Variants in CCDC171 observed in about 807,000 individuals in gnomAD.
CCDC171 encodes coiled-coil domain containing 171.
CCDC171 carries 177 observed loss-of-function variants against 168.2 expected under a neutral mutation model. The observed-to-expected ratio is 1.05, with a 90% CI of 0.93 to 1.19. The LOEUF (loss-of-function observed/expected upper bound fraction) is 1.19. CCDC171 is among the 50% of genes most tolerant of loss of function. CCDC171 has a pLI of 0.00. For missense variants in CCDC171, 1,991 were observed against 1,539.0 expected, an observed-to-expected ratio of 1.29 and a Z score of -4.91; for synonymous variants, 687 against 540.8, an observed-to-expected ratio of 1.27 and a Z score of -3.75.
At chr9:15,975,133 A>G (rs781599330), downstream of CCDC171, among the ~76,000 whole-genome samples, 4 of 152,176 alleles carry the variant, frequency 2.6e-5, no homozygotes, top group Non-Finnish European at 5.9e-5. Context: ...TTTATCAAGC[A>G]ACTGTTTTAT....
chr9:16,020,551 C>T (rs531410130), intron 3 of CCDC171: 1 of 154,444 alleles, frequency 6.5e-6, no homozygotes, highest in Admixed American at 6.5e-5. Flanking sequence ...TTAAAGAAAA[C>T]ATTTTGTGAC....
Position 15,708,094 on chromosome 9 carries a change from C to T in CCDC171, c.1318+12757C>T, listed in dbSNP as rs555908874. Among the ~76,000 whole-genome samples the T allele has an allele frequency of 2.2e-3, 340 of 152,268 alleles. 5 individuals are homozygous for T. The highest frequency in any genetic ancestry group is 0.021 in the South Asian group (102 of 4,816). On this transcript the variant is annotated intron_variant, in intron 11 of 25. Coordinates refer to ENST00000380701, the MANE Select transcript of CCDC171 (RefSeq NM_173550.4). ...AACTCCTGACTTCAGGTGATCTGCC[C>T]GTCTTGGCCTCCCAAAGTGTTGGGA...
downstream of CCDC171, among the ~76,000 whole-genome samples, chr9:15,976,808 G>A (rs951332321): frequency 2.0e-4 from 30 of 152,070 alleles, no homozygotes; most frequent in African/African-American, 7.2e-4. Flanking sequence ...TTTTTACAAT[G>A]TACTATGTGA....
chr9:15,917,722 A>C (rs1034061284), intron 24 of CCDC171, among the ~76,000 whole-genome samples: 1 of 151,690 alleles, frequency 6.6e-6, no homozygotes, highest in African/African-American at 2.4e-5. Context: ...AAAATGGGAT[A>C]ACTTTTAAAA....
chr9:16,036,716 A>G (rs1329400294), intron 8 of CCDC171, among the ~76,000 whole-genome samples: 1 of 152,252 alleles, frequency 6.6e-6, no homozygotes, highest in Non-Finnish European at 1.5e-5. Context: ...GTTGTCAATC[A>G]AGAATTCTGA....
At chr9:16,040,627 C>T (rs543313958), upstream of CCDC171, among the ~76,000 whole-genome samples, 9 of 152,298 alleles carry the variant, frequency 5.9e-5, no homozygotes, top group East Asian at 3.9e-4. Context: ...TGGATCTGTC[C>T]GAGCAGAGGG....
At chr9:15,649,311 G>T (rs1055338954) in intron 7 of CCDC171, among the ~76,000 whole-genome samples, 1 of 152,106 alleles carries the variant, frequency 6.6e-6, no homozygotes, top group Non-Finnish European at 1.5e-5. Flanking sequence ...GAAAAGCTAG[G>T]CAATACCATT....
At chr9:16,035,371 A>T (rs77856093) in intron 6 of CCDC171, 117 of 152,268 alleles carry the variant, frequency 7.7e-4, no homozygotes, top group African/African-American at 2.6e-3. Context: ...TTATGCAGTT[A>T]TGTCTAAGAG....
At chr9:15,985,122 A>C (rs1331920697) in intron 3 of CCDC171, among the ~76,000 whole-genome samples, 2 of 152,186 alleles carry the variant, frequency 1.3e-5, no homozygotes, top group Non-Finnish European at 2.9e-5. Context: ...GTTTAGAAGA[A>C]AATAAACTCT....
chr9:16,106,330 C>T, the CCDC171 span, among the ~76,000 whole-genome samples: 1 of 152,192 alleles, frequency 6.6e-6, no homozygotes, highest in Non-Finnish European at 1.5e-5. Context: ...CCAGCGTTTG[C>T]CCCTTTCTGC....
At chr9:15,975,005 G>A (rs1304016516), downstream of CCDC171, among the ~76,000 whole-genome samples, 2 of 152,112 alleles carry the variant, frequency 1.3e-5, no homozygotes, top group Non-Finnish European at 2.9e-5. Flanking sequence ...CTGGGCTCAA[G>A]TGATCCTCCC....
At chr9:15,683,248 T>G (rs929855397) in intron 10 of CCDC171, among the ~76,000 whole-genome samples, 5 of 151,962 alleles carry the variant, frequency 3.3e-5, no homozygotes, top group Non-Finnish European at 7.4e-5. Context: ...TCCCCAATAC[T>G]TTTGGGGGTT....
At chr9:15,971,533 G>A in intron 25 of CCDC171, 76 bp from the exon 26 acceptor site, 1 of 851,478 alleles carries the variant, frequency 1.2e-6, no homozygotes, top group South Asian at 1.6e-5. Flanking sequence ...TAGTCTACTT[G>A]CCTGTTTATG....
At chr9:15,708,405 C>T (rs1324469704) in intron 11 of CCDC171, among the ~76,000 whole-genome samples, 2 of 152,150 alleles carry the variant, frequency 1.3e-5, no homozygotes, top group African/African-American at 4.8e-5. Context: ...TTTGACTTAT[C>T]CTATGACAGT....
At chr9:16,033,461 C>A (rs931378012) in intron 6 of CCDC171, among the ~76,000 whole-genome samples, 1 of 152,222 alleles carries the variant, frequency 6.6e-6, no homozygotes, top group African/African-American at 2.4e-5. Flanking sequence ...TGCGTGGGAT[C>A]TGGGTTGCGT....
intron 21 of CCDC171, among the ~76,000 whole-genome samples, chr9:15,834,384 A>G (rs1259909326): frequency 1.3e-5 from 2 of 152,194 alleles, no homozygotes; most frequent in Non-Finnish European, 2.9e-5. Flanking sequence ...GGGGATATGT[A>G]TTCTAAATCA....
chr9:15,659,358 C>G (rs371018016), intron 8 of CCDC171, among the ~76,000 whole-genome samples: 109 of 152,120 alleles, frequency 7.2e-4, no homozygotes, highest in African/African-American at 2.4e-3. Context: ...TGACTTTTCG[C>G]TTAAATGTTT....
chr9:16,021,208 C>T (rs565721928), intron 4 of CCDC171, among the ~76,000 whole-genome samples: 3 of 152,294 alleles, frequency 2.0e-5, no homozygotes, highest in South Asian at 2.1e-4. Flanking sequence ...CTGCCTCAGC[C>T]TCCCGAGTAG....
chr9:15,648,784 G>T (rs1161157062), intron 7 of CCDC171, among the ~76,000 whole-genome samples: 1 of 152,128 alleles, frequency 6.6e-6, no homozygotes. Context: ...CATGCTCATG[G>T]ATAGGAAGAA....
Sources: gnomAD v4.1 joint callset for allele counts (sites outside exome capture counted in the v4.1 genomes callset) on GRCh38, gnomAD v4.1.1 for gene constraint, MANE v1.5 for transcripts, NCBI Gene and HGNC (gene_info 2026-07-23, HGNC 2026-07-21) for gene names.